The following LRIG1 variants were observed in gnomAD, a reference collection of about 807,000 sequenced individuals.
LRIG1 encodes leucine-rich repeats and immunoglobulin-like domains protein 1.
In LRIG1, 48 loss-of-function variants were observed where a neutral mutation model predicts 99.2. The ratio of observed to expected loss-of-function variants is 0.48; its 90% CI spans 0.38 to 0.62. The LOEUF (loss-of-function observed/expected upper bound fraction) is 0.62. Among genes scored for constraint, LRIG1 ranks in the 20% least tolerant of loss-of-function variants. LRIG1 has a pLI of 0.00. For synonymous variants in LRIG1, 772 were observed against 596.1 expected (o/e 1.29, Z -4.30); for missense variants, 1,646 against 1,434.4 (o/e 1.15, Z -2.38).
intron 3 of LRIG1, among the ~76,000 whole-genome samples, chr3:66,442,315 T>C (rs1418272321): frequency 6.6e-6 from 1 of 152,120 alleles, no homozygotes; most frequent in Non-Finnish European, 1.5e-5. Flanking sequence ...GCAGACACAA[T>C]AGGCCCTGCC....
At chr3:66,454,032 C>T (rs1270520747) in intron 2 of LRIG1, among the ~76,000 whole-genome samples, 1 of 152,138 alleles carries the variant, frequency 6.6e-6, no homozygotes, top group Non-Finnish European at 1.5e-5. Context: ...CTTAACTGGG[C>T]CTTCTATGTC....
At chr3:66,410,520 T>G (rs931912824) in intron 6 of LRIG1, among the ~76,000 whole-genome samples, 3 of 152,200 alleles carry the variant, frequency 2.0e-5, no homozygotes, top group Non-Finnish European at 4.4e-5. Context: ...AGAGGGAGCT[T>G]CCTAGAAGTG....
chr3:66,456,632 G>A (rs1235511013), intron 2 of LRIG1, among the ~76,000 whole-genome samples: 4 of 147,276 alleles, frequency 2.7e-5, no homozygotes, highest in Non-Finnish European at 4.5e-5. Flanking sequence ...ACCCCAAAAC[G>A]ACAACCCTCA....
intron 1 of LRIG1, among the ~76,000 whole-genome samples, chr3:66,475,708 T>C (rs1001235382): frequency 6.6e-6 from 1 of 152,156 alleles, no homozygotes; most frequent in Non-Finnish European, 1.5e-5. Flanking sequence ...GAGAAAACCA[T>C]CCACTCTCAA....
chr3:66,386,678 T>C, intron 12 of LRIG1: 1 of 174,314 alleles, frequency 5.7e-6, no homozygotes, highest in Admixed American at 5.9e-5. Flanking sequence ...CAAACCTTAC[T>C]CCAAAAGGAG....
intron 2 of LRIG1, among the ~76,000 whole-genome samples, chr3:66,455,211 CTGAGATTACAGGCG>C (rs1700184544): frequency 2.0e-5 from 3 of 152,204 alleles, no homozygotes; most frequent in Non-Finnish European, 4.4e-5. Flanking sequence ...TCTCAATGTG[CTGAGATTACAGGCG>C]TGAGCCACCA....
intron 3 of LRIG1, among the ~76,000 whole-genome samples, chr3:66,451,179 A>T (rs2106806782): frequency 6.6e-6 from 1 of 152,244 alleles, no homozygotes; most frequent in Middle Eastern, 3.4e-3. Flanking sequence ...CACATTACCC[A>T]ATTCACTGGC....
At chr3:66,400,548 AGGAGAGGAAGCCCCTG>A (rs1702014371) in intron 9 of LRIG1, among the ~76,000 whole-genome samples, 1 of 152,100 alleles carries the variant, frequency 6.6e-6, no homozygotes, top group Non-Finnish European at 1.5e-5. Flanking sequence ...GCAGGTGGGC[AGGAGAGGAAGCCCCTG>A]GAGAAAGCCC....
intron 1 of LRIG1, among the ~76,000 whole-genome samples, chr3:66,490,641 A>G (rs1391793614): frequency 6.1e-5 from 1 of 16,348 alleles, no homozygotes; most frequent in Non-Finnish European, 5.2e-4. Context: ...TCTGCCCCAT[A>G]ATTTAAAAAA....
At chr3:66,449,768 C>G (rs921927385) in intron 3 of LRIG1, among the ~76,000 whole-genome samples, 1 of 152,226 alleles carries the variant, frequency 6.6e-6, no homozygotes, top group Non-Finnish European at 1.5e-5. Context: ...TCAGTTTCCT[C>G]TCTGACAACA....
At chr3:66,428,261 G>GA (rs367653961) in intron 3 of LRIG1, among the ~76,000 whole-genome samples, 206 of 152,238 alleles carry the variant, frequency 1.4e-3, no homozygotes, top group African/African-American at 4.6e-3. Context: ...GGGTTGAAAT[G>GA]AATCTGAAAA....
chr3:66,497,859 A>T (rs1240070171), intron 1 of LRIG1, among the ~76,000 whole-genome samples: 3 of 152,174 alleles, frequency 2.0e-5, no homozygotes, highest in African/African-American at 2.4e-5. Context: ...GTGGGCTTAG[A>T]GCGTGTAAAC....
chr3:66,383,052 C>T lies in LRIG1; in HGVS notation c.2421G>A (p.Thr807=), dbSNP rs1449956772. The T allele has an allele frequency of 4.3e-6, 7 of 1,614,234 alleles. No homozygotes were observed. The highest frequency in any genetic ancestry group is 1.6e-4 in the Middle Eastern group (1 of 6,062). Residue 807 remains threonine (T), a synonymous_variant, in exon 15 of 19, where the codon ACG becomes ACA. Transcript: ENST00000273261. ...TIAVVSSIVL[T]SLVWVCIIYQ... is the part of the protein sequence containing the mutation. Reference sequence around the variant, plus strand: ...AGATGATGCACACCCAGACCAGTGACGTCAGGACGATGCTGCTCACGACAG... The same window carrying T: ...AGATGATGCACACCCAGACCAGTGATGTCAGGACGATGCTGCTCACGACAG...
chr3:66,428,579 T>C (rs1252585369), intron 3 of LRIG1, among the ~76,000 whole-genome samples: 1 of 152,194 alleles, frequency 6.6e-6, no homozygotes, highest in Non-Finnish European at 1.5e-5. Flanking sequence ...CCAATGCCCA[T>C]ACAGAACTTG....
At chr3:66,499,432 G>C in intron 1 of LRIG1, among the ~76,000 whole-genome samples, 1 of 152,180 alleles carries the variant, frequency 6.6e-6, no homozygotes, top group East Asian at 1.9e-4. Flanking sequence ...CACCCCACTG[G>C]ATCATCAAGC....
chr3:66,463,682 T>G (rs1274080194), intron 1 of LRIG1, among the ~76,000 whole-genome samples: 3 of 152,198 alleles, frequency 2.0e-5, no homozygotes, highest in Non-Finnish European at 1.5e-5. Flanking sequence ...ATTTTTCATC[T>G]CAGCTATTAA....
chr3:66,427,241 C>A (rs1266865457), intron 3 of LRIG1, among the ~76,000 whole-genome samples: 1 of 152,212 alleles, frequency 6.6e-6, no homozygotes. Flanking sequence ...ACATACAGCA[C>A]GCACTCAAAA....
chr3:66,399,630 T>C (rs1575660453), intron 9 of LRIG1, among the ~76,000 whole-genome samples: 1 of 152,128 alleles, frequency 6.6e-6, no homozygotes, highest in African/African-American at 2.4e-5. Flanking sequence ...TATCCGGGCA[T>C]GGAGACACGC....
At chr3:66,388,664 C>T (rs571336832) in intron 12 of LRIG1, among the ~76,000 whole-genome samples, 3 of 152,014 alleles carry the variant, frequency 2.0e-5, no homozygotes, top group East Asian at 1.9e-4. Context: ...TGATTTCTTA[C>T]CAGAACCCAC....
Sources: gnomAD v4.1 joint callset for allele counts (sites outside exome capture counted in the v4.1 genomes callset) on GRCh38, gnomAD v4.1.1 for gene constraint, MANE v1.5 for transcripts, NCBI Gene and HGNC (gene_info 2026-07-23, HGNC 2026-07-21) for gene names.